The following GRIP1 variants were observed in gnomAD, a reference collection of about 807,000 sequenced individuals.
GRIP1 encodes glutamate receptor interacting protein 1.
GRIP1 carries 45 observed loss-of-function variants against 129.9 expected under a neutral mutation model. The ratio of observed to expected loss-of-function variants is 0.35; its 90% CI spans 0.27 to 0.44. GRIP1 has a LOEUF of 0.44. Among genes scored for constraint, GRIP1 ranks in the 20% least tolerant of loss-of-function variants. GRIP1 has a pLI of 1.00. For missense variants in GRIP1, 1,196 were observed against 1,396.8 expected (o/e 0.86, Z 2.29); for synonymous variants, 530 against 520.8 (o/e 1.02, Z -0.24).
Position 67,034,293 on chromosome 12 carries a change from C to T in GRIP1, c.58+34757G>A, listed in dbSNP as rs78345986. On this transcript the variant is annotated intron_variant, in intron 1 of 1. Transcript: ENST00000643019. ...TCCTGTACTGAAACTCACCAGGGGA[C>T]GAAGGAATGACTTCTATTTCCTAAT... Among the ~76,000 whole-genome samples the T allele has an allele frequency of 2.5e-4, 38 of 152,204 alleles. 1 individual carries two copies. The East Asian group carries it at 5.6e-3, about 22-fold the overall frequency.
At chr12:66,764,303 T>C (rs1013229345) in intron 1 of GRIP1, among the ~76,000 whole-genome samples, 1 of 152,242 alleles carries the variant, frequency 6.6e-6, no homozygotes, top group Non-Finnish European at 1.5e-5. Context: ...GGCTCTAGGC[T>C]ACAGCCATCT....
At chr12:66,408,679 G>A (rs2057283642) in intron 15 of GRIP1, among the ~76,000 whole-genome samples, 1 of 152,044 alleles carries the variant, frequency 6.6e-6, no homozygotes, top group African/African-American at 2.4e-5. Context: ...TTATCTTGAA[G>A]CTTAGGTACC....
intron 14 of GRIP1, among the ~76,000 whole-genome samples, chr12:66,431,464 G>A (rs184476615): frequency 2.7e-4 from 41 of 152,182 alleles, no homozygotes; most frequent in Non-Finnish European, 4.9e-4. Context: ...GTGGGTTATT[G>A]GTTATAAATA....
intron 14 of GRIP1, among the ~76,000 whole-genome samples, chr12:66,423,444 C>G (rs771656307): frequency 8.5e-5 from 13 of 152,348 alleles, no homozygotes; most frequent in African/African-American, 1.2e-4. Context: ...CCATTTGCCT[C>G]TATCCTCATT....
At chr12:66,774,892 C>T (rs776348304) in intron 1 of GRIP1, among the ~76,000 whole-genome samples, 27 of 152,224 alleles carry the variant, frequency 1.8e-4, no homozygotes, top group Middle Eastern at 3.4e-3. Flanking sequence ...TACTAATATA[C>T]TTTAGAATAT....
intron 7 of GRIP1, among the ~76,000 whole-genome samples, chr12:66,515,268 AT>A (rs1210740500): frequency 6.6e-6 from 1 of 152,026 alleles, no homozygotes; most frequent in Non-Finnish European, 1.5e-5. Context: ...CTATGTAATA[AT>A]AAAAAAAAAA....
chr12:66,738,169 G>C (rs1010938426), intron 1 of GRIP1, among the ~76,000 whole-genome samples: 2 of 152,046 alleles, frequency 1.3e-5, no homozygotes, highest in African/African-American at 2.4e-5. Context: ...GGCAGGCAGA[G>C]GTAAGAACAT....
intron 1 of GRIP1, among the ~76,000 whole-genome samples, chr12:66,783,709 G>A (rs1335723315): frequency 6.6e-6 from 1 of 152,064 alleles, no homozygotes; most frequent in Non-Finnish European, 1.5e-5. Flanking sequence ...TCTAAATAGA[G>A]TCTAGGTAAC....
intron 2 of GRIP1, among the ~76,000 whole-genome samples, chr12:66,564,745 A>G (rs538638052): frequency 6.6e-6 from 1 of 152,302 alleles, no homozygotes; most frequent in African/African-American, 2.4e-5. Context: ...TCCCACCAAC[A>G]GTGTAAAAGT....
intron 1 of GRIP1, among the ~76,000 whole-genome samples, chr12:66,695,578 C>T (rs989606590): frequency 1.2e-4 from 19 of 152,180 alleles, no homozygotes; most frequent in Non-Finnish European, 2.6e-4. Context: ...TTATCCAAAA[C>T]TGCTACAGTG....
chr12:66,585,407 C>T (rs1420302803), intron 2 of GRIP1, among the ~76,000 whole-genome samples: 3 of 136,558 alleles, frequency 2.2e-5, no homozygotes, highest in Non-Finnish European at 4.8e-5. Context: ...CCAGTTTCAT[C>T]CATGTCCCTA....
rs201869395 is a variant in GRIP1, at chr12:66,996,144, AGT to A, written c.58+72904_58+72905del. ...GTTGTCTAGGGGTAGAGACTTTTAG[AGT>A]GGGGAGGGGAAAATAAGGAGTGACT... On this transcript the variant is annotated intron_variant, in intron 1 of 1. Coordinates refer to the GRIP1 transcript ENST00000643019. Among the ~76,000 whole-genome samples, 19 of 152,076 alleles carry A rather than the reference AGT, an allele frequency of 1.2e-4. No individual in the cohort carries two copies. In the East Asian group the frequency reaches 2.9e-3, roughly 23 times the overall value.
chr12:66,555,087 C>T (rs866634294), intron 2 of GRIP1, among the ~76,000 whole-genome samples: 22 of 152,260 alleles, frequency 1.4e-4, no homozygotes, highest in Middle Eastern at 3.4e-3. Flanking sequence ...TACAGCAGGC[C>T]TTAGGTGAGA....
rs368571825 is a variant in GRIP1, at chr12:66,840,779, G to A, written c.58+228271C>T. ...TGGGCTGCCTGAGAGGCAGAAGAGA[G>A]TAGGAGTTATGTCAGCCTCTGGCCC... is the stretch of plus-strand genomic sequence containing the variant. On this transcript the variant is annotated intron_variant, in intron 1 of 1. Coordinates refer to the GRIP1 transcript ENST00000643019. Among the ~76,000 whole-genome samples the A allele has an allele frequency of 1.9e-4, 29 of 152,280 alleles. No homozygotes were observed. The South Asian group carries it at 6.0e-3, about 32-fold the overall frequency.
At chr12:66,661,923 A>T (rs1592715172) in intron 1 of GRIP1, among the ~76,000 whole-genome samples, 1 of 152,098 alleles carries the variant, frequency 6.6e-6, no homozygotes, top group South Asian at 2.1e-4. Flanking sequence ...TGGGATAGTA[A>T]AATTTTGGCC....
chr12:66,640,537 A>T (rs1350930355), intron 1 of GRIP1, among the ~76,000 whole-genome samples: 1 of 152,206 alleles, frequency 6.6e-6, no homozygotes, highest in Non-Finnish European at 1.5e-5. Context: ...TTTGAGAGTG[A>T]TGAGAATGTT....
intron 1 of GRIP1, among the ~76,000 whole-genome samples, chr12:66,911,422 A>C (rs899044574): frequency 6.6e-6 from 1 of 152,182 alleles, no homozygotes; most frequent in African/African-American, 2.4e-5. Flanking sequence ...TTGCCTTTTA[A>C]GATTGGAGTT....
chr12:66,857,327 C>T (rs912069643), intron 1 of GRIP1, among the ~76,000 whole-genome samples: 1 of 151,662 alleles, frequency 6.6e-6, no homozygotes, highest in Non-Finnish European at 1.5e-5. Flanking sequence ...GCACATGTAC[C>T]CTAAAAGTAT....
chr12:66,383,835 A>G (rs1039823946), intron 19 of GRIP1, among the ~76,000 whole-genome samples: 14 of 152,194 alleles, frequency 9.2e-5, no homozygotes, highest in Admixed American at 8.5e-4. Context: ...AGCTAAGTGC[A>G]ACTTAGTGAA....
Sources: gnomAD v4.1 joint callset for allele counts (sites outside exome capture counted in the v4.1 genomes callset) on GRCh38, gnomAD v4.1.1 for gene constraint, MANE v1.5 for transcripts, NCBI Gene and HGNC (gene_info 2026-07-23, HGNC 2026-07-21) for gene names.